The following NRXN3 variants were observed in gnomAD, a reference collection of about 807,000 sequenced individuals.
The protein encoded by NRXN3 is neurexin III.
A neutral mutation model predicts 137.6 loss-of-function variants in NRXN3; 32 were observed. The ratio of observed to expected loss-of-function variants is 0.23; its 90% CI spans 0.18 to 0.31. NRXN3 has a LOEUF of 0.31. Ranked by LOEUF, NRXN3 falls within the 10% of genes least tolerant of loss-of-function variation. The pLI is 1.00. For synonymous variants in NRXN3, 798 were observed against 784.5 expected (o/e 1.02, Z -0.29); for missense variants, 1,574 against 2,062.5 (o/e 0.76, Z 4.59).
intron 20 of NRXN3, among the ~76,000 whole-genome samples, chr14:79,846,323 A>T (rs569964380): frequency 6.6e-6 from 1 of 152,328 alleles, no homozygotes; most frequent in African/African-American, 2.4e-5. Flanking sequence ...GCTGAACAAA[A>T]ATGTCCCATG....
At chr14:78,965,416 A>G (rs1241420485) in intron 11 of NRXN3, among the ~76,000 whole-genome samples, 1 of 152,148 alleles carries the variant, frequency 6.6e-6, no homozygotes, top group Non-Finnish European at 1.5e-5. Flanking sequence ...AGGGGGGTAA[A>G]GTACATTGAG....
At chr14:78,235,002 A>ATATATATATATATATATATGTG (rs1555418555) in intron 1 of NRXN3, among the ~76,000 whole-genome samples, 896 of 47,298 alleles carry the variant, frequency 0.019, 10 homozygotes, top group South Asian at 0.036. Context: ...TTTTATATAT[A>ATATATATATATATATATATGTG]TATATATATA....
At chr14:79,004,784 A>G (rs1049629702) in intron 15 of NRXN3, among the ~76,000 whole-genome samples, 1 of 152,146 alleles carries the variant, frequency 6.6e-6, no homozygotes, top group Non-Finnish European at 1.5e-5. Flanking sequence ...CTAATGTTTT[A>G]AATTCCTGGA....
chr14:78,804,398 A>G (rs2098848601), intron 9 of NRXN3, among the ~76,000 whole-genome samples: 1 of 152,192 alleles, frequency 6.6e-6, no homozygotes, highest in African/African-American at 2.4e-5. Context: ...TCCCTTGGAA[A>G]ATAATTCCCT....
chr14:78,892,819 G>T (rs955598650), intron 10 of NRXN3, among the ~76,000 whole-genome samples: 1 of 134,832 alleles, frequency 7.4e-6, no homozygotes, highest in African/African-American at 2.6e-5. Flanking sequence ...TGTGGTGTTT[G>T]CTAAGAAGGA....
At chr14:79,590,911 T>C (rs944930521) in intron 16 of NRXN3, among the ~76,000 whole-genome samples, 5 of 152,254 alleles carry the variant, frequency 3.3e-5, no homozygotes, top group Non-Finnish European at 5.9e-5. Flanking sequence ...ATGCTGTCTC[T>C]CAAGCCCTAC....
chr14:79,026,181 A>G lies in NRXN3; in HGVS notation c.3262+38040A>G, dbSNP rs549043707. ...ATAGTATAAGGCGCAGCAAAGCTTA[A>G]TGAATAGATTTTTATATTCATATAA... On this transcript the variant is annotated intron_variant, in intron 15 of 20. Transcript: ENST00000335750. Among the ~76,000 whole-genome samples the G allele has an allele frequency of 3.3e-5, 5 of 152,314 alleles. No individual in the cohort carries two copies. The South Asian group carries it at 6.2e-4, about 19-fold the overall frequency.
chr14:79,178,711 T>C (rs2062613580), intron 15 of NRXN3, among the ~76,000 whole-genome samples: 1 of 152,226 alleles, frequency 6.6e-6, no homozygotes, highest in Non-Finnish European at 1.5e-5. Flanking sequence ...CAAGACAACA[T>C]GATCTCTCAC....
intron 16 of NRXN3, among the ~76,000 whole-genome samples, chr14:79,547,215 C>G (rs970306533): frequency 6.6e-6 from 1 of 152,104 alleles, no homozygotes; most frequent in African/African-American, 2.4e-5. Context: ...TATAAAACAT[C>G]AGTACTTATA....
intron 15 of NRXN3, among the ~76,000 whole-genome samples, chr14:79,120,501 A>G (rs2055217520): frequency 1.3e-5 from 2 of 152,060 alleles, no homozygotes; most frequent in Non-Finnish European, 2.9e-5. Context: ...TGGTCAGTAT[A>G]CTATAAATAT....
chr14:78,987,043 A>G (rs1598261890), intron 14 of NRXN3, among the ~76,000 whole-genome samples: 1 of 148,712 alleles, frequency 6.7e-6, no homozygotes, highest in Admixed American at 6.7e-5. Context: ...AAAAAAAAAA[A>G]GAATTCATTT....
chr14:79,836,801 C>T (rs1231797662), intron 20 of NRXN3, among the ~76,000 whole-genome samples: 1 of 152,220 alleles, frequency 6.6e-6, no homozygotes, highest in Admixed American at 6.5e-5. Flanking sequence ...GTTTACATAG[C>T]ACCCACACAC....
At chr14:78,649,223 C>T in intron 5 of NRXN3, 1 of 1,311,984 alleles carries the variant, frequency 7.6e-7, no homozygotes, top group Non-Finnish European at 1.0e-6. Flanking sequence ...AACAATCGTT[C>T]TGTTCACAAT....
chr14:79,719,027 T>A (rs1459416968), intron 19 of NRXN3, among the ~76,000 whole-genome samples: 2 of 152,200 alleles, frequency 1.3e-5, no homozygotes, highest in African/African-American at 4.8e-5. Context: ...GGATTTTAAA[T>A]GTTACCTTCT....
chr14:78,638,101 C>A (rs1490889960), intron 4 of NRXN3, among the ~76,000 whole-genome samples: 1 of 152,152 alleles, frequency 6.6e-6, no homozygotes, highest in Non-Finnish European at 1.5e-5. Flanking sequence ...TTCCAAGTGA[C>A]AAGTTGATTT....
At chr14:78,711,968 G>C (rs1207572009) in intron 7 of NRXN3, among the ~76,000 whole-genome samples, 1 of 152,148 alleles carries the variant, frequency 6.6e-6, no homozygotes, top group African/African-American at 2.4e-5. Flanking sequence ...CTCCTTCCCT[G>C]ATAATCTTGA....
chr14:79,103,002 T>A (rs914865223), intron 15 of NRXN3, among the ~76,000 whole-genome samples: 9 of 152,176 alleles, frequency 5.9e-5, no homozygotes, highest in African/African-American at 2.2e-4. Flanking sequence ...CATTACATAG[T>A]GGATAAACCT....
Position 79,383,065 on chromosome 14 carries a change from C to G in NRXN3, c.3263-84156C>G, listed in dbSNP as rs145753828. Among the ~76,000 whole-genome samples the G allele has an allele frequency of 2.8e-4, 42 of 152,084 alleles. No individual in the cohort carries two copies. In the East Asian group the frequency reaches 7.9e-3, roughly 29 times the overall value. ...ACTTTTGATGATATTGAATTCTTTC[C>G]CTGAGTTCTGTAGATTTTGGCACTG... On this transcript the variant is annotated intron_variant, in intron 15 of 20. Transcript: ENST00000335750.
In NRXN3 at chr14:79,055,837, T is replaced by C. The variant is rs187383375; in HGVS notation, c.3262+67696T>C. Among the ~76,000 whole-genome samples, 29 of 152,206 alleles carry C rather than the reference T, an allele frequency of 1.9e-4. No homozygotes were observed. The East Asian group carries it at 3.7e-3, about 19-fold the overall frequency. On this transcript the variant is annotated intron_variant, in intron 15 of 20. Coordinates refer to ENST00000335750, the MANE Select transcript of NRXN3 (RefSeq NM_001330195.2). ...TGCACTTGGAGACAGTGCAGGTCAA[T>C]TTAGGAGCTCACAGGCCATTTAGAG...
Sources: gnomAD v4.1 joint callset for allele counts (sites outside exome capture counted in the v4.1 genomes callset) on GRCh38, gnomAD v4.1.1 for gene constraint, MANE v1.5 for transcripts, NCBI Gene and HGNC (gene_info 2026-07-23, HGNC 2026-07-21) for gene names.